C14orf132: variants seen among roughly 807,000 people sequenced by gnomAD.
C14orf132 encodes uncharacterized protein C14orf132.
A neutral mutation model predicts 5.8 loss-of-function variants in C14orf132; 6 were observed. The observed-to-expected ratio is 1.03, with a 90% CI of 0.57 to 2.04. C14orf132 has a LOEUF of 2.04. C14orf132 is among the 30% of genes most tolerant of loss of function. The probability of loss-of-function intolerance (pLI) is 0.00; values close to 1 mark genes in which losing one functional copy is unlikely to be tolerated. For missense variants in C14orf132, 125 were observed against 115.8 expected, an observed-to-expected ratio of 1.08 and a Z score of -0.37; for synonymous variants, 51 against 49.8, an observed-to-expected ratio of 1.02 and a Z score of -0.10.
At chr14:96,076,880 C>G (rs528137980) in intron 1 of C14orf132, among the ~76,000 whole-genome samples, 1 of 152,304 alleles carries the variant, frequency 6.6e-6, no homozygotes, top group East Asian at 1.9e-4. Context: ...TTGCTAGTTT[C>G]CCTTGAGACT....
chr14:96,086,450 G>A (rs1888187929), intron 1 of C14orf132, 61 bp from the exon 2 acceptor site: 1 of 1,459,768 alleles, frequency 6.9e-7, no homozygotes. Flanking sequence ...CTTCCCTTTT[G>A]CAGGGTACAT....
chr14:96,041,915 C>G (rs994071715), intron 1 of C14orf132, among the ~76,000 whole-genome samples: 3 of 152,226 alleles, frequency 2.0e-5, no homozygotes, highest in African/African-American at 7.2e-5. Flanking sequence ...GGCTAAGACA[C>G]AGAGGGGAAT....
chr14:96,074,777 C>T (rs2139673769), intron 1 of C14orf132, among the ~76,000 whole-genome samples: 1 of 126,950 alleles, frequency 7.9e-6, no homozygotes, highest in South Asian at 2.8e-4. Context: ...TTAATGTATG[C>T]ATCCATCCTT....
In C14orf132 at chr14:96,091,180, C is replaced by T. The variant is rs1162540754; in HGVS notation, c.*4445C>T. The T allele has an allele frequency of 2.7e-6, 1 of 376,600 alleles. No homozygotes were observed. Among genetic ancestry groups the T allele is most frequent in the Non-Finnish European group, 5.2e-6 (1 of 191,234 alleles). The allele number at this position is 376,600 out of a possible 1,614,324, so 23.3% of individuals were successfully genotyped here. On this transcript the variant is annotated 3_prime_UTR_variant, in exon 2 of 2. Coordinates refer to ENST00000555004, the MANE Select transcript of C14orf132 (RefSeq NM_001252507.3). Reference sequence around the variant, plus strand: ...CTCTAGAGGCACCCTGCATCATGCCCACCAGGGTGATCCCCCTGGGATGGA... The same window carrying T: ...CTCTAGAGGCACCCTGCATCATGCCTACCAGGGTGATCCCCCTGGGATGGA...
At chr14:96,064,406 G>GTA (rs1464913625) in intron 1 of C14orf132, among the ~76,000 whole-genome samples, 2 of 118,384 alleles carry the variant, frequency 1.7e-5, no homozygotes, top group African/African-American at 6.6e-5. Context: ...ATACATATAT[G>GTA]TATATATATA....
rs115855894 is a variant in C14orf132, at chr14:96,039,847, C to A, written c.27+320C>A. Among the ~76,000 whole-genome samples, 880 of 152,256 alleles carry A rather than the reference C, an allele frequency of 5.8e-3. 4 individuals are homozygous for A. The highest frequency in any genetic ancestry group is 0.02 in the African/African-American group (847 of 41,562). The stretch of plus-strand genomic sequence containing the variant: ...CTTCTGCCCATCCCCCACTGCTGTC[C>A]CCCTTCTGGGGTCCCGGAGCCCTCC... On this transcript the variant is annotated intron_variant, in intron 1 of 1. Coordinates refer to ENST00000555004, the MANE Select transcript of C14orf132 (RefSeq NM_001252507.3). The surrounding 1 kb of genome is among the most constrained non-coding windows in gnomAD (Gnocchi z 5.3).
rs368703263 is a variant in C14orf132 at position 96,054,370 on chromosome 14, G to C, written c.27+14843G>C. On this transcript the variant is annotated intron_variant, in intron 1 of 1. Coordinates refer to ENST00000555004, the MANE Select transcript of C14orf132 (RefSeq NM_001252507.3). ...AGTGCACTGATGGTAGTTATGATAC[G>C]TTGCCACAAGCCTTGGGATTTTGCC... Among the ~76,000 whole-genome samples, 3 of 152,192 alleles carry C rather than the reference G, an allele frequency of 2.0e-5. No individual in the cohort carries two copies. In the East Asian group the frequency reaches 5.8e-4, roughly 29 times the overall value.
intron 1 of C14orf132, among the ~76,000 whole-genome samples, chr14:96,075,140 T>G (rs941184970): frequency 3.9e-5 from 6 of 152,224 alleles, no homozygotes; most frequent in Admixed American, 2.6e-4. Context: ...TTTTGTTAGA[T>G]CTAGGCTAAG....
chr14:96,065,397 G>A (rs1268118553), intron 1 of C14orf132, among the ~76,000 whole-genome samples: 1 of 152,102 alleles, frequency 6.6e-6, no homozygotes, highest in Non-Finnish European at 1.5e-5. Context: ...ATATAGAGGA[G>A]AGGATGTTTA....
At position 96,088,585 on chromosome 14, in the gene C14orf132, C is replaced by T. The variant is rs978570443; in HGVS notation, c.*1850C>T. 1.3e-5 allele frequency: 2 copies of T among 152,302 alleles called. No individual in the cohort carries two copies. Among genetic ancestry groups the T allele is most frequent in the African/African-American group, 2.4e-5 (1 of 41,474 alleles). The allele number at this position is 152,302 out of a possible 1,614,324, so 9.4% of individuals were successfully genotyped here. On this transcript the variant is annotated 3_prime_UTR_variant, in exon 2 of 2. Transcript: ENST00000555004. ...TCTGCCCCATAAGCAAGATCTTTAA[C>T]AGATGGATGTCTCCATGAGAAAACC...
At chr14:96,069,117 G>T (rs1487936229) in intron 1 of C14orf132, among the ~76,000 whole-genome samples, 1 of 148,148 alleles carries the variant, frequency 6.8e-6, no homozygotes, top group Non-Finnish European at 1.5e-5. Flanking sequence ...AGATGGTGGG[G>T]TTTCTCAGCC....
chr14:96,057,085 T>A (rs1423457217), intron 1 of C14orf132, among the ~76,000 whole-genome samples: 1 of 152,238 alleles, frequency 6.6e-6, no homozygotes, highest in Admixed American at 6.5e-5. Flanking sequence ...GTGGTTTGAA[T>A]GTTTGTCTCC....
intron 1 of C14orf132, among the ~76,000 whole-genome samples, chr14:96,071,040 A>G (rs951863236): frequency 2.0e-5 from 3 of 152,202 alleles, no homozygotes; most frequent in African/African-American, 7.2e-5. Flanking sequence ...GTCCATTATC[A>G]TGATGCTAAT....
At chr14:96,043,265 C>A (rs1886740800) in intron 1 of C14orf132, among the ~76,000 whole-genome samples, 1 of 152,112 alleles carries the variant, frequency 6.6e-6, no homozygotes, top group African/African-American at 2.4e-5. Flanking sequence ...CCAGGGGAAG[C>A]CCACATCATC....
intron 1 of C14orf132, among the ~76,000 whole-genome samples, chr14:96,066,615 A>G (rs1002058904): frequency 6.6e-6 from 1 of 152,054 alleles, no homozygotes; most frequent in African/African-American, 2.4e-5. Flanking sequence ...CATCTGCTCT[A>G]TGTCAGTAGA....
intron 1 of C14orf132, among the ~76,000 whole-genome samples, chr14:96,052,104 G>A (rs1210575137): frequency 6.6e-6 from 1 of 152,260 alleles, no homozygotes; most frequent in Non-Finnish European, 1.5e-5. Flanking sequence ...AGTCATCCAG[G>A]TGAGAAGAGG....
In C14orf132 at chr14:96,086,795, C is replaced by T. The variant is rs375456081; in HGVS notation, c.*60C>T. The stretch of plus-strand genomic sequence containing the variant: ...TTGGCACGTAGCTCTGACTTGCTGT[C>T]GGCCTTTGGCTTCTCCTGTGTTCTA... On this transcript the variant is annotated 3_prime_UTR_variant, in exon 2 of 2. Transcript: ENST00000555004. 14 of 1,474,624 alleles carry T rather than the reference C, an allele frequency of 9.5e-6. No homozygotes were observed. Among genetic ancestry groups the T allele is most frequent in the African/African-American group, 7.0e-5 (5 of 71,750 alleles). The allele number at this position is 1,474,624 out of a possible 1,614,324, so 91.3% of individuals were successfully genotyped here. A position where few individuals can be genotyped will look rare whatever the true frequency, so the allele number is the denominator to read the frequency against.
Position 96,039,577 on chromosome 14 carries a change from TTC to T in C14orf132, c.27+51_27+52del. 6.8e-7 allele frequency: 1 copy of T among 1,474,826 alleles called. No individual in the cohort carries two copies. The highest frequency in any genetic ancestry group is 9.0e-7 in the Non-Finnish European group (1 of 1,111,830). 91.4% of individuals were successfully genotyped at this position (1,474,826 alleles called of 1,614,324 possible). On this transcript the variant is annotated intron_variant, in intron 1 of 1. Transcript: ENST00000555004. The surrounding 1 kb of genome is among the most constrained non-coding windows in gnomAD (Gnocchi z 5.3). Reference sequence around the variant, plus strand: ...CCCCGGGCCGCCAAGTTTGGGGAGGTTCGGGGCCACGGTCTCGCCCTCCACGC... The same window carrying T: ...CCCCGGGCCGCCAAGTTTGGGGAGGTGGGGCCACGGTCTCGCCCTCCACGC...
chr14:96,081,394 C>T (rs370245957), intron 1 of C14orf132, among the ~76,000 whole-genome samples: 4 of 152,178 alleles, frequency 2.6e-5, no homozygotes, highest in East Asian at 1.9e-4. Flanking sequence ...GATCACACCA[C>T]GAGGCAATGT....
Sources: allele counts gnomAD v4.1 joint callset (sites outside exome capture counted in the v4.1 genomes callset), GRCh38; gene constraint gnomAD v4.1.1; non-coding constraint Gnocchi (gnomAD v3.1); transcripts MANE v1.5; gene names NCBI Gene and HGNC (gene_info 2026-07-23, HGNC 2026-07-21).